CHL1: variants seen among roughly 807,000 people sequenced by gnomAD.
CHL1 encodes the protein neural cell adhesion molecule L1-like protein.
CHL1 carries 96 observed loss-of-function variants against 141.9 expected under a neutral mutation model. That is an observed-to-expected ratio of 0.68 (90% CI 0.57 to 0.80). The LOEUF (loss-of-function observed/expected upper bound fraction) is 0.80, where lower values mean the gene tolerates loss of function less well. Ranked by LOEUF, CHL1 falls within the 30% of genes least tolerant of loss-of-function variation. CHL1 has a pLI of 0.00. For synonymous variants in CHL1, 613 were observed against 502.2 expected (o/e 1.22, Z -2.95); for missense variants, 1,820 against 1,457.2 (o/e 1.25, Z -4.05).
At chr3:333,023 A>G (rs1168257375) in intron 5 of CHL1, among the ~76,000 whole-genome samples, 1 of 151,936 alleles carries the variant, frequency 6.6e-6, no homozygotes, top group Admixed American at 6.6e-5. Flanking sequence ...CCAAGTGAAG[A>G]CATGAACAAT....
intron 5 of CHL1, among the ~76,000 whole-genome samples, chr3:333,270 C>A (rs1218680801): frequency 1.3e-5 from 2 of 151,462 alleles, no homozygotes; most frequent in Non-Finnish European, 2.9e-5. Context: ...GTAACCCAAC[C>A]CAATACTTAG....
chr3:337,191 G>GTTT (rs71058767), intron 5 of CHL1, among the ~76,000 whole-genome samples: 2 of 27,610 alleles, frequency 7.2e-5, no homozygotes, highest in Non-Finnish European at 9.8e-5. Flanking sequence ...TTTTGTTTTT[G>GTTT]TTTTTTTTTT....
chr3:266,732 C>G (rs368092891), intron 2 of CHL1, among the ~76,000 whole-genome samples: 1 of 152,200 alleles, frequency 6.6e-6, no homozygotes, highest in East Asian at 1.9e-4. Context: ...TGTTAGCACA[C>G]TGTAGATTCT....
intron 1 of CHL1, among the ~76,000 whole-genome samples, chr3:212,396 C>T (rs1245045715): frequency 6.6e-6 from 1 of 152,146 alleles, no homozygotes; most frequent in Non-Finnish European, 1.5e-5. Flanking sequence ...TACCATAAAG[C>T]CTGCTTCAAC....
chr3:366,174 A>C, intron 15 of CHL1, 59 bp downstream of exon 15: 1 of 1,538,146 alleles, frequency 6.5e-7, no homozygotes, highest in Non-Finnish European at 8.9e-7. Context: ...CTTGCATTTG[A>C]TTTAAAAAGT....
At position 209,399 on chromosome 3, in the gene CHL1, T is replaced by C. The variant is rs575233852; in HGVS notation, c.-175+12336T>C. ...AAAAGACAACTCAGAAATGACTATATGGGTGATCTTGAGTCATTAAGAAAT... is the reference window on the plus strand; with the variant it reads ...AAAAGACAACTCAGAAATGACTATACGGGTGATCTTGAGTCATTAAGAAAT... On this transcript the variant is annotated intron_variant, in intron 1 of 27. Coordinates refer to ENST00000256509, the MANE Select transcript of CHL1 (RefSeq NM_006614.4). 1.7e-3 allele frequency among the ~76,000 whole-genome samples: 253 copies of C among 152,312 alleles called. 1 individual carries two copies. The highest frequency in any genetic ancestry group is 5.9e-3 in the African/African-American group (244 of 41,584).
At chr3:273,664 A>G (rs1050723128) in intron 2 of CHL1, among the ~76,000 whole-genome samples, 4 of 152,128 alleles carry the variant, frequency 2.6e-5, no homozygotes, top group African/African-American at 4.8e-5. Flanking sequence ...TTGATGTCAC[A>G]TTTATGTTTT....
intron 27 of CHL1, among the ~76,000 whole-genome samples, chr3:402,561 G>A (rs1709228407): frequency 6.6e-6 from 1 of 152,148 alleles, no homozygotes; most frequent in Non-Finnish European, 1.5e-5. Context: ...GGAAACCAGA[G>A]TTTATATTAA....
intron 1 of CHL1, among the ~76,000 whole-genome samples, chr3:205,104 C>CTTTT (rs11424648): frequency 7.7e-6 from 1 of 129,100 alleles, no homozygotes; most frequent in African/African-American, 2.9e-5. Flanking sequence ...TTCTTTCTTT[C>CTTTT]TTTTTTTTTT....
chr3:223,223 T>C (rs985214742), intron 1 of CHL1, among the ~76,000 whole-genome samples: 73 of 152,322 alleles, frequency 4.8e-4, no homozygotes, highest in African/African-American at 1.7e-3. Flanking sequence ...TTAAGTGACA[T>C]TCGGGTGAAG....
chr3:323,833 G>A (rs904912066), intron 3 of CHL1, among the ~76,000 whole-genome samples: 3 of 152,084 alleles, frequency 2.0e-5, no homozygotes, highest in Admixed American at 6.6e-5. Context: ...CCACTGCACT[G>A]CAGCCTGCAT....
At chr3:357,121 C>A (rs139083189) in intron 11 of CHL1, among the ~76,000 whole-genome samples, 1 of 152,118 alleles carries the variant, frequency 6.6e-6, no homozygotes. Context: ...TTATGCGAGA[C>A]CACACAGCTG....
intron 9 of CHL1, among the ~76,000 whole-genome samples, chr3:345,195 A>G (rs976188118): frequency 1.2e-4 from 19 of 152,008 alleles, no homozygotes; most frequent in Non-Finnish European, 2.1e-4. Context: ...AAGAAGCCTG[A>G]GGTTGTTGGT....
chr3:254,810 G>A (rs941410309), intron 2 of CHL1, among the ~76,000 whole-genome samples: 3 of 152,112 alleles, frequency 2.0e-5, no homozygotes, highest in African/African-American at 7.2e-5. Context: ...AGGCCTTTCT[G>A]AGGGCCTTAA....
chr3:338,752 A>C (rs770627424), intron 5 of CHL1, among the ~76,000 whole-genome samples: 22 of 152,176 alleles, frequency 1.4e-4, no homozygotes, highest in Non-Finnish European at 2.6e-4. Flanking sequence ...TAGAGTTATA[A>C]ATTTTCTTTT....
chr3:214,163 C>T lies in CHL1; in HGVS notation c.-175+17100C>T, dbSNP rs112284505. Among the ~76,000 whole-genome samples, 753 of 152,228 alleles carry T rather than the reference C, an allele frequency of 4.9e-3. 1 individual carries two copies. The highest frequency in any genetic ancestry group is 0.017 in the African/African-American group (703 of 41,534). On this transcript the variant is annotated intron_variant, in intron 1 of 27. Coordinates refer to ENST00000256509, the MANE Select transcript of CHL1 (RefSeq NM_006614.4). ...ATTGAGGTGCTTTTCGATTGTGAGA[C>T]GACCAAGAAATTAGCTGATCCCAGC...
Position 405,617 on chromosome 3 carries a change from A to G in CHL1, c.3581A>G (p.Asp1194Gly), listed in dbSNP as rs1287936318. 25 of 1,613,408 alleles carry G rather than the reference A, an allele frequency of 1.5e-5. No individual in the cohort carries two copies. Among genetic ancestry groups the G allele is most frequent in the Admixed American group, 8.3e-5 (5 of 59,964 alleles). Residue 1194 changes from aspartate to glycine, a missense_variant, in exon 28 of 28, where the codon GAT becomes GGT. Transcript: ENST00000256509. ...GEGDHGLFSEDGSFIGAYAGS... is the reference protein window; with the variant it reads ...GEGDHGLFSEGGSFIGAYAGS... ...GGAGACCATGGTCTCTTCAGTGAAG[A>G]TGGATCATTTATTGGTGCCTACGCT...
At chr3:276,660 G>C (rs162728) in intron 2 of CHL1, among the ~76,000 whole-genome samples, 6,931 of 151,842 alleles carry the variant, frequency 0.046, 392 homozygotes, top group African/African-American at 0.14. Context: ...GAGGCCGAGG[G>C]GGGCGGATCA....
At chr3:266,435 C>G (rs1695158133) in intron 2 of CHL1, among the ~76,000 whole-genome samples, 1 of 152,178 alleles carries the variant, frequency 6.6e-6, no homozygotes, top group Non-Finnish European at 1.5e-5. Flanking sequence ...GGCTGCACAA[C>G]AGGCATCATG....
Sources: allele counts gnomAD v4.1 joint callset (sites outside exome capture counted in the v4.1 genomes callset), GRCh38; gene constraint gnomAD v4.1.1; transcripts MANE v1.5; gene names NCBI Gene and HGNC (gene_info 2026-07-23, HGNC 2026-07-21).